The following PAX5 variants were observed in gnomAD, a reference collection of about 807,000 sequenced individuals.
PAX5 encodes paired box 5.
A neutral mutation model predicts 43.7 loss-of-function variants in PAX5; 9 were observed. The ratio of observed to expected loss-of-function variants is 0.21; its 90% confidence interval spans 0.12 to 0.36. PAX5 has a LOEUF of 0.36. Among genes scored for constraint, PAX5 ranks in the 10% least tolerant of loss-of-function variants. PAX5 has a pLI of 1.00. For missense variants in PAX5, 383 were observed against 532.7 expected (o/e 0.72, Z 2.77); for synonymous variants, 228 against 214.3 (o/e 1.06, Z -0.56).
chr9:36,899,559 A>G (rs1269730654), intron 7 of PAX5, among the ~76,000 whole-genome samples: 2 of 152,006 alleles, frequency 1.3e-5, no homozygotes, highest in Non-Finnish European at 2.9e-5. Context: ...TTTGAGCCCA[A>G]TCGGTGTTAC....
rs944166456 is a variant in PAX5, at chr9:36,986,250, C to T, written c.604+16398G>A. 6.3e-4 allele frequency among the ~76,000 whole-genome samples: 95 copies of T among 150,542 alleles called. 1 individual carries two copies. Among genetic ancestry groups the T allele is most frequent in the Admixed American group, 5.3e-4 (8 of 15,086 alleles). On this transcript the variant is annotated intron_variant, in intron 5 of 9. Transcript: ENST00000358127. ...GCAAATAAAGTCATTCATTACGGGC[C>T]TCTCCTGGCCGCCGCGGGCCGCGCG...
At chr9:36,982,677 T>C (rs892702874) in intron 5 of PAX5, among the ~76,000 whole-genome samples, 1 of 152,090 alleles carries the variant, frequency 6.6e-6, no homozygotes, top group African/African-American at 2.4e-5. Flanking sequence ...AAGATGTGGG[T>C]GGGGCTATGC....
At chr9:36,930,249 G>C (rs1250260004) in intron 6 of PAX5, among the ~76,000 whole-genome samples, 1 of 115,442 alleles carries the variant, frequency 8.7e-6, no homozygotes, top group African/African-American at 3.4e-5. Flanking sequence ...TTTGAGACAA[G>C]GTCTTGCTCT....
intron 7 of PAX5, among the ~76,000 whole-genome samples, chr9:36,920,452 C>T (rs1357225228): frequency 6.6e-6 from 1 of 152,150 alleles, no homozygotes; most frequent in African/African-American, 2.4e-5. Context: ...GCAAGACCCT[C>T]CACCAGCAAA....
intron 6 of PAX5, among the ~76,000 whole-genome samples, chr9:36,951,153 G>A (rs556455382): frequency 2.6e-5 from 4 of 152,230 alleles, no homozygotes; most frequent in Admixed American, 6.5e-5. Flanking sequence ...AGGATAAATG[G>A]GCATTCATGG....
At chr9:37,002,347 G>A (rs900491436) in intron 5 of PAX5, among the ~76,000 whole-genome samples, 1 of 152,192 alleles carries the variant, frequency 6.6e-6, no homozygotes, top group African/African-American at 2.4e-5. Context: ...ACGCACACAG[G>A]GTCTTCTTAA....
intron 6 of PAX5, among the ~76,000 whole-genome samples, chr9:36,962,333 A>G (rs1417433009): frequency 6.6e-6 from 1 of 152,238 alleles, no homozygotes; most frequent in Non-Finnish European, 1.5e-5. Context: ...ACCATCTTGC[A>G]TGAGATGAAG....
chr9:37,021,143 T>C (rs1012010906), intron 1 of PAX5, among the ~76,000 whole-genome samples: 5 of 152,194 alleles, frequency 3.3e-5, no homozygotes, highest in Non-Finnish European at 5.9e-5. Flanking sequence ...TGCTGAGGTC[T>C]AAGGAAGATC....
chr9:36,920,940 AG>A (rs1321013739), intron 7 of PAX5, among the ~76,000 whole-genome samples: 2 of 150,766 alleles, frequency 1.3e-5, no homozygotes, highest in East Asian at 3.9e-4. Flanking sequence ...CAGCCTCCCA[AG>A]TAGCTAGGAT....
chr9:36,938,695 A>T (rs946792599), intron 6 of PAX5, among the ~76,000 whole-genome samples: 1 of 152,216 alleles, frequency 6.6e-6, no homozygotes. Flanking sequence ...CAGTAATAAC[A>T]GTAGGCTGGG....
chr9:36,854,033 A>G (rs1244519843), intron 8 of PAX5, among the ~76,000 whole-genome samples: 1 of 152,284 alleles, frequency 6.6e-6, no homozygotes, highest in Non-Finnish European at 1.5e-5. Context: ...TGCAATTAAC[A>G]TATGGAAAGT....
chr9:36,940,027 C>A (rs1362058906), intron 6 of PAX5, among the ~76,000 whole-genome samples: 9 of 152,244 alleles, frequency 5.9e-5, no homozygotes, highest in African/African-American at 2.2e-4. Flanking sequence ...TCCTGCAAGG[C>A]ACCCACTCCA....
chr9:36,971,937 A>G (rs1834954107), intron 5 of PAX5, among the ~76,000 whole-genome samples: 1 of 152,170 alleles, frequency 6.6e-6, no homozygotes, highest in Non-Finnish European at 1.5e-5. Flanking sequence ...TCATAAACCC[A>G]TTGCATTTTC....
chr9:37,000,233 A>G (rs74373687), intron 5 of PAX5, among the ~76,000 whole-genome samples: 1,778 of 152,166 alleles, frequency 0.012, 33 homozygotes, highest in African/African-American at 0.041. Flanking sequence ...GAGCCCGGCC[A>G]TTGCTGCCCA....
At chr9:36,898,588 G>A (rs1481275247) in intron 7 of PAX5, among the ~76,000 whole-genome samples, 1 of 152,186 alleles carries the variant, frequency 6.6e-6, no homozygotes, top group Non-Finnish European at 1.5e-5. Flanking sequence ...GCTTCTTGAC[G>A]GGAAATGCTT....
At position 36,846,926 on chromosome 9, in the gene PAX5, C is replaced by T. The variant is rs1389188260; in HGVS notation, c.1016G>A (p.Ser339Asn). Reference sequence around the variant, plus strand: ...GCTGTAGGGACTCCCGGAAAACTCACTCCCTGTGTATGGTGGGTGGAGAGA... The same window carrying T: ...GCTGTAGGGACTCCCGGAAAACTCATTCCCTGTGTATGGTGGGTGGAGAGA... ...APTLTGMVPG[S>N]EFSGSPYSHP... Residue 339 changes from serine (S) to asparagine (N), a missense_variant, in exon 9 of 10, where the codon AGT (serine) becomes AAT (asparagine). By Grantham distance (46) the Ser-to-Asn change is conservative. This residue lies in a region of PAX5 where 291 missense variants were observed against 342.5 expected (regional missense o/e 0.85). Transcript: ENST00000358127. The T allele has an allele frequency of 3.7e-6, 6 of 1,610,936 alleles. No homozygotes were observed. The Admixed American group carries it at 6.7e-5, about 18-fold the overall frequency.
chr9:36,873,485 C>G (rs538187018), intron 8 of PAX5, among the ~76,000 whole-genome samples: 2 of 152,354 alleles, frequency 1.3e-5, no homozygotes, highest in African/African-American at 4.8e-5. Flanking sequence ...AGCAAAGAGT[C>G]AGGAACGAGC....
intron 5 of PAX5, among the ~76,000 whole-genome samples, chr9:36,977,509 GT>G (rs199528410): frequency 1.3e-5 from 2 of 150,732 alleles, no homozygotes; most frequent in African/African-American, 2.4e-5. Flanking sequence ...TTTTTTGTTT[GT>G]TTTTTTTGGG....
chr9:36,853,036 C>G (rs956047011), intron 8 of PAX5, among the ~76,000 whole-genome samples: 2 of 152,220 alleles, frequency 1.3e-5, no homozygotes, highest in Admixed American at 1.3e-4. Flanking sequence ...ATAGTGAACA[C>G]CTATGTAGCC....
Sources: gnomAD v4.1 joint callset for allele counts (sites outside exome capture counted in the v4.1 genomes callset) on GRCh38, gnomAD v4.1.1 for gene constraint, gnomAD v4.1.1 regional missense constraint, MANE v1.5 for transcripts, NCBI Gene and HGNC (gene_info 2026-07-23, HGNC 2026-07-21) for gene names.